NFX1: variants seen among roughly 807,000 people sequenced by gnomAD.
The protein encoded by NFX1 is transcriptional repressor NF-X1.
NFX1 carries 69 observed loss-of-function variants against 137.2 expected under a neutral mutation model. The observed-to-expected ratio is 0.50, with a 90% CI of 0.41 to 0.61. The LOEUF (loss-of-function observed/expected upper bound fraction) is 0.61, where lower values mean the gene tolerates loss of function less well. Among genes scored for constraint, NFX1 ranks in the 20% least tolerant of loss-of-function variants. The pLI is 0.00. For missense variants in NFX1, 1,167 were observed against 1,391.0 expected, an observed-to-expected ratio of 0.84 and a Z score of 2.56; for synonymous variants, 495 against 474.1, an observed-to-expected ratio of 1.04 and a Z score of -0.57.
intron 15 of NFX1, among the ~76,000 whole-genome samples, chr9:33,350,260 C>T (rs1171851808): frequency 6.7e-6 from 1 of 149,102 alleles, no homozygotes; most frequent in Non-Finnish European, 1.5e-5. Flanking sequence ...GCTGAGATGG[C>T]GCCACCGCAC....
intron 7 of NFX1, among the ~76,000 whole-genome samples, chr9:33,316,105 A>G (rs751410410): frequency 1.3e-4 from 20 of 152,114 alleles, no homozygotes; most frequent in Non-Finnish European, 1.9e-4. Context: ...TCCATCACCT[A>G]TTGTGAATCC....
At chr9:33,300,195 A>T (rs934740933) in intron 2 of NFX1, among the ~76,000 whole-genome samples, 1 of 143,408 alleles carries the variant, frequency 7.0e-6, no homozygotes. Flanking sequence ...TTGGATTACT[A>T]CTGGGATTAC....
At chr9:33,329,352 C>T (rs1482658239) in intron 10 of NFX1, among the ~76,000 whole-genome samples, 1 of 152,188 alleles carries the variant, frequency 6.6e-6, no homozygotes, top group Non-Finnish European at 1.5e-5. Context: ...TAATCTCAGT[C>T]TCCAGTCTCT....
chr9:33,364,050 C>G lies in NFX1; in HGVS notation c.2914C>G (p.Pro972Ala). ...EAFHISEDSD[P>A]FNIRSSGSKF... ...ATTTCATATCAGTGAGGATTCTGAT[C>G]CTTTCAATATACGTTCTTCAGGGTC... Residue 972 changes from proline to alanine, a missense_variant, in exon 20 of 24, where the codon CCT (proline) becomes GCT (alanine). Physicochemically the swap from Pro to Ala is conservative, Grantham distance 27 (BLOSUM62 -1). Coordinates refer to ENST00000379540, the MANE Select transcript of NFX1 (RefSeq NM_002504.6). 1 of 1,604,294 alleles carries G rather than the reference C, an allele frequency of 6.2e-7. No individual in the cohort carries two copies. Among genetic ancestry groups the G allele is most frequent in the Non-Finnish European group, 8.5e-7 (1 of 1,175,774 alleles).
intron 12 of NFX1, among the ~76,000 whole-genome samples, chr9:33,340,150 A>G (rs969030505): frequency 6.6e-6 from 1 of 152,218 alleles, no homozygotes; most frequent in Non-Finnish European, 1.5e-5. Flanking sequence ...GTACTGCCCT[A>G]GCAGAGGTTC....
At chr9:33,364,916 CA>C in intron 21 of NFX1, 142 bp downstream of exon 21, 1 of 1,472,162 alleles carries the variant, frequency 6.8e-7, no homozygotes, top group Admixed American at 2.4e-5. Context: ...TTATCTTTCT[CA>C]AAACACAGCC....
At chr9:33,290,743 C>T (rs1367743671) in intron 1 of NFX1, 146 bp downstream of exon 1, 3 of 721,636 alleles carry the variant, frequency 4.2e-6, no homozygotes, top group East Asian at 3.0e-5. Flanking sequence ...CCAAGCCCCG[C>T]GCATCGTGCG....
Position 33,330,894 on chromosome 9 carries a change from A to G in NFX1, c.2005-1578A>G, listed in dbSNP as rs574260229. ...AAAAAAACTCTTCAAAAAGCTGATA[A>G]TTGGCTGGGTGTGGTGGCTCACGCC... On this transcript the variant is annotated intron_variant, in intron 10 of 23. Transcript: ENST00000379540. 2.0e-5 allele frequency among the ~76,000 whole-genome samples: 3 copies of G among 152,280 alleles called. No homozygotes were observed. In the East Asian group the frequency reaches 5.8e-4, roughly 29 times the overall value.
intron 7 of NFX1, among the ~76,000 whole-genome samples, chr9:33,315,511 A>T (rs912384944): frequency 2.0e-5 from 3 of 152,048 alleles, no homozygotes; most frequent in Admixed American, 1.3e-4. Flanking sequence ...GCTGTCATAT[A>T]TTCTTTCCCC....
intron 2 of NFX1, among the ~76,000 whole-genome samples, chr9:33,296,494 G>C (rs1394715613): frequency 6.6e-6 from 1 of 152,252 alleles, no homozygotes; most frequent in Non-Finnish European, 1.5e-5. Flanking sequence ...TGGGGAGGCT[G>C]AGGTGAGAGG....
intron 12 of NFX1, 47 bp downstream of exon 12, chr9:33,338,636 T>C: frequency 6.7e-7 from 1 of 1,488,370 alleles, no homozygotes; most frequent in Non-Finnish European, 9.1e-7. Flanking sequence ...ATCCAGGTGC[T>C]GGGCTTCTGG....
chr9:33,364,029 C>T lies in NFX1; in HGVS notation c.2893C>T (p.His965Tyr). The T allele has an allele frequency of 6.3e-7, 1 of 1,589,676 alleles. No individual in the cohort carries two copies. Among genetic ancestry groups the T allele is most frequent in the East Asian group, 2.3e-5 (1 of 43,318 alleles). The change falls in exon 20 of 24, where the codon CAT becomes TAT. Residue 965 changes from histidine to tyrosine, a missense_variant. By Grantham distance (83) the His-to-Tyr change is moderately conservative (BLOSUM62 2). Transcript: ENST00000379540. ...TTTCAGGAGATTAGCAGAGGCATTT[C>T]ATATCAGTGAGGATTCTGATCCTTT... ...ERKKRLAEAF[H>Y]ISEDSDPFNI...
At chr9:33,332,735 A>G (rs1463680365) in intron 11 of NFX1, 2 of 418,886 alleles carry the variant, frequency 4.8e-6, no homozygotes, top group Admixed American at 7.4e-5. Flanking sequence ...AAATGCATTA[A>G]AAAAGAAAAT....
chr9:33,364,985 T>C, intron 21 of NFX1: 1 of 1,369,594 alleles, frequency 7.3e-7, no homozygotes, highest in Non-Finnish European at 9.4e-7. Context: ...AGAAAAGATC[T>C]ACAGTCGGCT....
At chr9:33,362,121 CAA>C (rs1365074653) in intron 19 of NFX1, among the ~76,000 whole-genome samples, 9 of 65,658 alleles carry the variant, frequency 1.4e-4, no homozygotes, top group Admixed American at 1.7e-4. Flanking sequence ...GACCCAGCCT[CAA>C]AAAAAAAAAA....
At chr9:33,311,628 CT>C (rs1372010591) in intron 6 of NFX1, among the ~76,000 whole-genome samples, 2 of 152,048 alleles carry the variant, frequency 1.3e-5, no homozygotes, top group East Asian at 3.9e-4. Context: ...TCTCGGCTCA[CT>C]GCAACCTCTG....
At chr9:33,331,883 C>T (rs988931507) in intron 10 of NFX1, among the ~76,000 whole-genome samples, 14 of 152,158 alleles carry the variant, frequency 9.2e-5, no homozygotes, top group African/African-American at 3.4e-4. Context: ...TCACTACACA[C>T]GATTTTTAGG....
chr9:33,318,634 C>T, intron 7 of NFX1, 97 bp from the exon 8 acceptor site: 4 of 1,145,636 alleles, frequency 3.5e-6, no homozygotes, highest in East Asian at 2.4e-5. Context: ...AGCGACTGTG[C>T]CAGGCCCGCA....
At chr9:33,335,751 T>C (rs117607213) in intron 11 of NFX1, among the ~76,000 whole-genome samples, 1,767 of 152,280 alleles carry the variant, frequency 0.012, 22 homozygotes, top group Non-Finnish European at 0.018. Context: ...TTTCTATCTG[T>C]ATGGATTTAC....
Sources: allele counts gnomAD v4.1 joint callset (sites outside exome capture counted in the v4.1 genomes callset), GRCh38; gene constraint gnomAD v4.1.1; transcripts MANE v1.5; gene names NCBI Gene and HGNC (gene_info 2026-07-23, HGNC 2026-07-21).